DACH1: variants seen among roughly 807,000 people sequenced by gnomAD.
The protein encoded by DACH1 is dachshund homolog 1.
DACH1 carries 12 observed loss-of-function variants against 54.2 expected under a neutral mutation model. The observed-to-expected ratio is 0.22, with a 90% CI of 0.14 to 0.36. The LOEUF (loss-of-function observed/expected upper bound fraction) is 0.36. Among genes scored for constraint, DACH1 ranks in the 10% least tolerant of loss-of-function variants. The probability of loss-of-function intolerance (pLI) is 1.00; values close to 1 mark genes in which losing one functional copy is unlikely to be tolerated. For synonymous variants in DACH1, 386 were observed against 366.2 expected (o/e 1.05, Z -0.62); for missense variants, 805 against 929.8 (o/e 0.87, Z 1.75).
chr13:71,467,221 TA>T (rs1876660840), intron 10 of DACH1, among the ~76,000 whole-genome samples: 1 of 150,878 alleles, frequency 6.6e-6, no homozygotes, highest in South Asian at 2.1e-4. Flanking sequence ...CCAGTTACAT[TA>T]AAAAACAGTA....
Position 71,643,974 on chromosome 13 carries a change from A to T in DACH1, c.965-13257T>A, listed in dbSNP as rs148074875. On this transcript the variant is annotated intron_variant, in intron 2 of 10. Coordinates refer to ENST00000613252, the MANE Select transcript of DACH1 (RefSeq NM_080759.6). ...GCAGAGGTCAGCTTTGAACAATATT[A>T]AAAAAATGCTTTCTTTAGGTGTTGA... Among the ~76,000 whole-genome samples the T allele has an allele frequency of 2.7e-3, 406 of 152,252 alleles. 3 individuals carry two copies. The highest frequency in any genetic ancestry group is 9.4e-3 in the African/African-American group (390 of 41,546).
intron 3 of DACH1, among the ~76,000 whole-genome samples, chr13:71,600,858 A>T (rs996646345): frequency 1.3e-5 from 2 of 152,100 alleles, no homozygotes; most frequent in African/African-American, 2.4e-5. Flanking sequence ...TTTCATTAGA[A>T]TCACCTGAAA....
intron 2 of DACH1, 76 bp downstream of exon 2, chr13:71,681,719 C>T (rs1880904244): frequency 1.0e-6 from 1 of 970,214 alleles, no homozygotes; most frequent in South Asian, 1.5e-5. Context: ...ATATCGATGT[C>T]ACCACAGATA....
intron 3 of DACH1, among the ~76,000 whole-genome samples, chr13:71,620,146 G>T (rs1259311856): frequency 5.9e-5 from 9 of 151,894 alleles, no homozygotes; most frequent in African/African-American, 1.9e-4. Context: ...TAGACCCATT[G>T]TTTTAATAAG....
intron 10 of DACH1, among the ~76,000 whole-genome samples, chr13:71,457,023 T>C (rs1007359288): frequency 3.9e-5 from 6 of 152,202 alleles, no homozygotes; most frequent in Admixed American, 3.9e-4. Context: ...CTACACTTTC[T>C]TGTGATAAAT....
chr13:71,754,981 C>T (rs1168188423), intron 1 of DACH1, among the ~76,000 whole-genome samples: 1 of 152,118 alleles, frequency 6.6e-6, no homozygotes, highest in African/African-American at 2.4e-5. Context: ...TCATCATAAA[C>T]TACTTTATCT....
Position 71,577,218 on chromosome 13 carries a change from T to C in DACH1, c.1127-4206A>G, listed in dbSNP as rs188627331. Among the ~76,000 whole-genome samples, 15 of 152,206 alleles carry C rather than the reference T, an allele frequency of 9.9e-5. No homozygotes were observed. In the East Asian group the frequency reaches 2.7e-3, roughly 27 times the overall value. On this transcript the variant is annotated intron_variant, in intron 3 of 10. Transcript: ENST00000613252. ...AGCCTGCTCCCTTCTCCTCAGTTCT[T>C]TACCACCACCTCCAACCCCTGCTCC...
rs201889116 is a variant in DACH1, at chr13:71,748,844, CTCTTTCTTTCTTTCTTTCTTTCTT to C, written c.849-66958_849-66935del. On this transcript the variant is annotated intron_variant, in intron 1 of 10. Coordinates refer to ENST00000613252, the MANE Select transcript of DACH1 (RefSeq NM_080759.6). Reference sequence around the variant, plus strand: ...ACCTGAAATATAAAAAATATTTTTTCTCTTTCTTTCTTTCTTTCTTTCTTTCTTTCTTTCTTTCTTTCTTTCTTT... The same window carrying C: ...ACCTGAAATATAAAAAATATTTTTTCTCTTTCTTTCTTTCTTTCTTTCTTT... 3.1e-4 allele frequency among the ~76,000 whole-genome samples: 41 copies of C among 131,226 alleles called. No homozygotes were observed. In the East Asian group the frequency reaches 6.6e-3, roughly 21 times the overall value. The allele number at this position is 131,226 out of a possible 152,430, so 86.1% of individuals were successfully genotyped here. A position where few individuals can be genotyped will look rare whatever the true frequency, so the allele number is the denominator to read the frequency against.
chr13:71,452,836 T>C (rs1038480041), intron 10 of DACH1, among the ~76,000 whole-genome samples: 1 of 152,244 alleles, frequency 6.6e-6, no homozygotes, highest in East Asian at 1.9e-4. Flanking sequence ...GGACTGCATA[T>C]GCAATGTGCA....
rs553773043 is a variant in DACH1 at position 71,579,221 on chromosome 13, T to C, written c.1127-6209A>G. On this transcript the variant is annotated intron_variant, in intron 3 of 10. Transcript: ENST00000613252. The stretch of plus-strand genomic sequence containing the variant: ...GTTTATAACATAATACTGATGCTAT[T>C]AGTGTTCTTGGACTCATCAAAACTT... Among the ~76,000 whole-genome samples the C allele has an allele frequency of 1.2e-4, 19 of 152,246 alleles. No homozygotes were observed. In the East Asian group the frequency reaches 3.7e-3, roughly 29 times the overall value.
intron 2 of DACH1, among the ~76,000 whole-genome samples, chr13:71,678,949 G>A (rs571851359): frequency 7.2e-5 from 11 of 152,200 alleles, no homozygotes; most frequent in South Asian, 2.1e-4. Context: ...CCTGAACCCC[G>A]GGCCCAGCCT....
Position 71,658,917 on chromosome 13 carries a change from T to C in DACH1, c.964+22878A>G, listed in dbSNP as rs542148446. On this transcript the variant is annotated intron_variant, in intron 2 of 10. Coordinates refer to ENST00000613252, the MANE Select transcript of DACH1 (RefSeq NM_080759.6). ...AAAACATTTTTTCAAATTCAGAACA[T>C]ATTTCTTCACTCTGTTTTTCTTAGG... is the stretch of plus-strand genomic sequence containing the variant. Among the ~76,000 whole-genome samples the C allele has an allele frequency of 5.9e-5, 9 of 152,262 alleles. No homozygotes were observed. In the South Asian group the frequency reaches 1.9e-3, roughly 32 times the overall value.
chr13:71,735,013 T>G (rs931966648), intron 1 of DACH1, among the ~76,000 whole-genome samples: 1 of 150,230 alleles, frequency 6.7e-6, no homozygotes, highest in African/African-American at 2.4e-5. Context: ...AGGATATTTA[T>G]ATATACACAC....
chr13:71,729,153 G>A (rs1026870646), intron 1 of DACH1, among the ~76,000 whole-genome samples: 1 of 151,990 alleles, frequency 6.6e-6, no homozygotes. Context: ...TGAAGATTTT[G>A]CATTAAATGT....
chr13:71,474,894 C>A (rs937390782), intron 10 of DACH1, among the ~76,000 whole-genome samples: 1 of 152,166 alleles, frequency 6.6e-6, no homozygotes, highest in Non-Finnish European at 1.5e-5. Flanking sequence ...AAGATTAAAT[C>A]ATACATTGTT....
intron 1 of DACH1, among the ~76,000 whole-genome samples, chr13:71,757,315 T>C (rs143703703): frequency 1.3e-5 from 2 of 152,058 alleles, no homozygotes; most frequent in Non-Finnish European, 2.9e-5. Flanking sequence ...TATAAGGAAA[T>C]AACTTGATTT....
intron 1 of DACH1, among the ~76,000 whole-genome samples, chr13:71,746,012 G>A (rs963076016): frequency 9.2e-5 from 14 of 152,186 alleles, no homozygotes; most frequent in Non-Finnish European, 1.8e-4. Flanking sequence ...GAGGTCAAGA[G>A]ATCGAGACCA....
At chr13:71,485,166 T>G (rs995317961) in intron 7 of DACH1, among the ~76,000 whole-genome samples, 2 of 151,964 alleles carry the variant, frequency 1.3e-5, no homozygotes, top group Non-Finnish European at 2.9e-5. Flanking sequence ...TACTAAAATT[T>G]TAGTCTCCTT....
chr13:71,860,345 A>G (rs546811980), intron 1 of DACH1, among the ~76,000 whole-genome samples: 1 of 151,830 alleles, frequency 6.6e-6, no homozygotes, highest in African/African-American at 2.4e-5. Flanking sequence ...TTTTATAACA[A>G]TTCAAACATA....
Sources: allele counts gnomAD v4.1 joint callset (sites outside exome capture counted in the v4.1 genomes callset), GRCh38; gene constraint gnomAD v4.1.1; transcripts MANE v1.5; gene names NCBI Gene and HGNC (gene_info 2026-07-23, HGNC 2026-07-21).